Variants in LRP1B observed in about 807,000 individuals in gnomAD.
The protein encoded by LRP1B is low-density lipoprotein receptor-related protein 1B.
In LRP1B, 217 loss-of-function variants were observed where a neutral mutation model predicts 556.6. The observed-to-expected ratio is 0.39, with a 90% confidence interval of 0.35 to 0.44. The LOEUF (loss-of-function observed/expected upper bound fraction) is 0.44. LRP1B is among the 20% of genes least tolerant of loss of function. LRP1B has a pLI of 1.00. For synonymous variants in LRP1B, 2,047 were observed against 1,865.8 expected (o/e 1.10, Z -2.50); for missense variants, 5,053 against 5,620.8 (o/e 0.90, Z 3.23).
chr2:140,418,396 C>A (rs982092418), intron 66 of LRP1B, among the ~76,000 whole-genome samples: 1 of 152,134 alleles, frequency 6.6e-6, no homozygotes, highest in Non-Finnish European at 1.5e-5. Flanking sequence ...CCAGTTGAAT[C>A]GACTTTGTCT....
At chr2:140,331,726 G>A (rs1487256197) in intron 79 of LRP1B, among the ~76,000 whole-genome samples, 5 of 147,022 alleles carry the variant, frequency 3.4e-5, no homozygotes, top group African/African-American at 5.0e-5. Context: ...AGGGTGTTTC[G>A]CTCTTGTTGC....
intron 32 of LRP1B, among the ~76,000 whole-genome samples, chr2:140,813,413 G>A (rs772503290): frequency 2.6e-5 from 4 of 152,152 alleles, no homozygotes; most frequent in Non-Finnish European, 4.4e-5. Flanking sequence ...ACAAGTCATA[G>A]TAAGCCAAGA....
chr2:141,916,506 A>C (rs1287035178), intron 1 of LRP1B, among the ~76,000 whole-genome samples: 1 of 150,246 alleles, frequency 6.7e-6, no homozygotes, highest in African/African-American at 2.4e-5. Context: ...CTGGGACTGC[A>C]GGCACCCGCC....
In LRP1B at chr2:140,716,669, C is replaced by T. The variant is rs761379967; in HGVS notation, c.5893+13G>A. ...AGGTGTGAAACAGAAAGATAAAAAG[C>T]CATGGATTATACCAGCAATCCAGTC... On this transcript the variant is annotated intron_variant, in intron 36 of 90. Transcript: ENST00000389484. 19 of 1,594,452 alleles carry T rather than the reference C, an allele frequency of 1.2e-5. No individual in the cohort carries two copies. The highest frequency in any genetic ancestry group is 1.5e-5 in the Non-Finnish European group (18 of 1,172,436).
At chr2:142,110,319 T>A (rs1013412593) in intron 1 of LRP1B, among the ~76,000 whole-genome samples, 2 of 152,106 alleles carry the variant, frequency 1.3e-5, no homozygotes, top group South Asian at 4.1e-4. Flanking sequence ...ATCAGAAAAA[T>A]CTTTATTTTT....
intron 3 of LRP1B, among the ~76,000 whole-genome samples, chr2:141,477,456 G>A (rs973235466): frequency 1.3e-5 from 2 of 152,156 alleles, no homozygotes; most frequent in African/African-American, 4.8e-5. Flanking sequence ...GTTTCATCAG[G>A]TGTGACCACA....
intron 10 of LRP1B, among the ~76,000 whole-genome samples, chr2:141,050,691 C>T (rs964518266): frequency 4.6e-5 from 7 of 152,086 alleles, no homozygotes; most frequent in Middle Eastern, 6.8e-3. Flanking sequence ...AGAATAAAAC[C>T]TAGGGAATAC....
intron 3 of LRP1B, among the ~76,000 whole-genome samples, chr2:141,463,381 C>G (rs1266086886): frequency 1.3e-5 from 2 of 150,094 alleles, no homozygotes; most frequent in African/African-American, 4.9e-5. Context: ...TCATAAATGA[C>G]AAATGAAAAT....
intron 87 of LRP1B, 132 bp from the exon 88 acceptor site, chr2:140,239,664 C>T (rs569530717): frequency 6.4e-5 from 33 of 515,722 alleles, no homozygotes; most frequent in East Asian, 1.3e-4. Context: ...GTTTATATTT[C>T]GGGTTCATAA....
intron 7 of LRP1B, among the ~76,000 whole-genome samples, chr2:141,152,639 T>C (rs751521805): frequency 7.9e-5 from 12 of 151,926 alleles, no homozygotes; most frequent in Non-Finnish European, 1.3e-4. Flanking sequence ...TCTGAGGTTT[T>C]ATCAATTTCT....
chr2:141,882,159 G>A (rs1190689644), intron 1 of LRP1B, among the ~76,000 whole-genome samples: 2 of 152,088 alleles, frequency 1.3e-5, no homozygotes, highest in Non-Finnish European at 2.9e-5. Context: ...TTCTGCATGA[G>A]AATATGTTTG....
chr2:141,335,797 A>G (rs1170504430), intron 3 of LRP1B, among the ~76,000 whole-genome samples: 1 of 152,176 alleles, frequency 6.6e-6, no homozygotes, highest in Non-Finnish European at 1.5e-5. Flanking sequence ...ATGGAAAAAA[A>G]GAGAGATAAA....
chr2:140,764,366 G>A (rs1256404769), intron 35 of LRP1B, among the ~76,000 whole-genome samples: 2 of 152,110 alleles, frequency 1.3e-5, no homozygotes, highest in South Asian at 2.1e-4. Flanking sequence ...ACAAATGCAC[G>A]ACGGCACAGT....
At chr2:141,212,391 G>T (rs1682600798) in intron 6 of LRP1B, among the ~76,000 whole-genome samples, 1 of 146,430 alleles carries the variant, frequency 6.8e-6, no homozygotes. Flanking sequence ...CCATTCTCCT[G>T]CCTCAGCCTC....
intron 35 of LRP1B, among the ~76,000 whole-genome samples, chr2:140,748,133 AT>A (rs1559093680): frequency 0.21 from 8,475 of 41,116 alleles, 797 homozygotes; most frequent in East Asian, 0.38. Flanking sequence ...ATATATATAT[AT>A]ATAATTCATA....
intron 2 of LRP1B, among the ~76,000 whole-genome samples, chr2:141,529,876 A>T (rs1684811505): frequency 6.6e-6 from 1 of 152,128 alleles, no homozygotes; most frequent in Non-Finnish European, 1.5e-5. Flanking sequence ...CTACTGTACA[A>T]ACCACATACT....
rs1376056883 is a variant in LRP1B, at chr2:142,128,265, T to C, written c.82+2383A>G. 2.6e-5 allele frequency among the ~76,000 whole-genome samples: 4 copies of C among 152,278 alleles called. No homozygotes were observed. The East Asian group carries it at 7.7e-4, about 29-fold the overall frequency. On this transcript the variant is annotated intron_variant, in intron 1 of 90. Coordinates refer to ENST00000389484, the MANE Select transcript of LRP1B (RefSeq NM_018557.3). Reference sequence around the variant, plus strand: ...ACACTTCTGATATAGTTCATACAGTTTGAGAAGCTACCTATTACACAATAA... The same window carrying C: ...ACACTTCTGATATAGTTCATACAGTCTGAGAAGCTACCTATTACACAATAA...
chr2:141,555,969 T>C (rs533667026), intron 2 of LRP1B, among the ~76,000 whole-genome samples: 72 of 152,026 alleles, frequency 4.7e-4, no homozygotes, highest in South Asian at 1.0e-3. Flanking sequence ...TTGTTTAAAG[T>C]GAAGACTTTC....
At chr2:140,354,972 T>G (rs1682143686) in intron 75 of LRP1B, among the ~76,000 whole-genome samples, 1 of 151,980 alleles carries the variant, frequency 6.6e-6, no homozygotes, top group Non-Finnish European at 1.5e-5. Flanking sequence ...TGTCTTACCC[T>G]TCTTTGACAC....
Sources: allele counts gnomAD v4.1 joint callset (sites outside exome capture counted in the v4.1 genomes callset), GRCh38; gene constraint gnomAD v4.1.1; transcripts MANE v1.5; gene names NCBI Gene and HGNC (gene_info 2026-07-23, HGNC 2026-07-21).